AKAP8L: variants seen among roughly 807,000 people sequenced by gnomAD.
The protein encoded by AKAP8L is A-kinase anchoring protein 8 like.
In AKAP8L, 34 loss-of-function variants were observed where a neutral mutation model predicts 77.5. The observed-to-expected ratio is 0.44, with a 90% CI of 0.33 to 0.58. The LOEUF is 0.58. Among genes scored for constraint, AKAP8L ranks in the 20% least tolerant of loss-of-function variants. AKAP8L has a pLI of 0.02. For synonymous variants in AKAP8L, 342 were observed against 340.7 expected, an observed-to-expected ratio of 1.00 and a Z score of -0.04; for missense variants, 806 against 887.6, an observed-to-expected ratio of 0.91 and a Z score of 1.17.
rs1326092513 is a variant in AKAP8L at position 15,401,696 on chromosome 19, C to T, written c.363-93G>A. 26 of 1,018,866 alleles carry T rather than the reference C, an allele frequency of 2.6e-5. No homozygotes were observed. The Admixed American group carries it at 5.9e-4, about 23-fold the overall frequency. The allele number at this position is 1,018,866 out of a possible 1,614,324, so 63.1% of individuals were successfully genotyped here. On this transcript the variant is annotated intron_variant, in intron 4 of 13. Coordinates refer to ENST00000397410, the MANE Select transcript of AKAP8L (RefSeq NM_014371.4). The surrounding 1 kb of genome is among the most constrained non-coding windows in gnomAD (Gnocchi z 6.2). Reference sequence around the variant, plus strand: ...TGCCCTCCCCAATCTCCCAGTCCAGCACCCACCCTGCCCTGGTTGGGAGGC... The same window carrying T: ...TGCCCTCCCCAATCTCCCAGTCCAGTACCCACCCTGCCCTGGTTGGGAGGC...
At chr19:15,389,822 T>C (rs924829796) in intron 12 of AKAP8L, among the ~76,000 whole-genome samples, 2 of 152,036 alleles carry the variant, frequency 1.3e-5, no homozygotes, top group Non-Finnish European at 2.9e-5. Context: ...CACAGAGAGA[T>C]GCACAAAGAC....
At position 15,399,996 on chromosome 19, in the gene AKAP8L, A is replaced by G. The variant is rs1599606420; in HGVS notation, c.1048+299T>C. ...GGAACTGCGCGTTACTGAGGGACCGAGGGCAGGGGGCGTGCCTGGGGTTCC... is the reference window on the plus strand; with the variant it reads ...GGAACTGCGCGTTACTGAGGGACCGGGGGCAGGGGGCGTGCCTGGGGTTCC... On this transcript the variant is annotated intron_variant, in intron 8 of 13. Coordinates refer to ENST00000397410, the MANE Select transcript of AKAP8L (RefSeq NM_014371.4). The surrounding 1 kb of genome is among the most constrained non-coding windows in gnomAD (Gnocchi z 6.1). The G allele has an allele frequency of 7.8e-6, 4 of 512,922 alleles. No homozygotes were observed. The highest frequency in any genetic ancestry group is 6.8e-5 in the East Asian group (2 of 29,322). 31.8% of individuals were successfully genotyped at this position (512,922 alleles called of 1,614,324 possible).
At position 15,398,011 on chromosome 19, in the gene AKAP8L, C is replaced by T. The variant is rs765282172; in HGVS notation, c.1158-156G>A. ...AGGGACAGGCTGGGACCAGTGGGGT[C>T]GGGAGTAGAAAGGGCCAGAAAGTCT... On this transcript the variant is annotated intron_variant, in intron 9 of 13. Coordinates refer to ENST00000397410, the MANE Select transcript of AKAP8L (RefSeq NM_014371.4). This position sits in a 1 kb window ranked among gnomAD's most constrained non-coding sequence, Gnocchi z 9.2. 7.7e-5 allele frequency: 70 copies of T among 914,920 alleles called. No homozygotes were observed. Among genetic ancestry groups the T allele is most frequent in the Non-Finnish European group, 1.0e-4 (63 of 619,616 alleles). 56.7% of individuals were successfully genotyped at this position (914,920 alleles called of 1,614,324 possible).
intron 1 of AKAP8L, among the ~76,000 whole-genome samples, chr19:15,413,834 A>C (rs1968151183): frequency 6.6e-6 from 1 of 152,220 alleles, no homozygotes; most frequent in Non-Finnish European, 1.5e-5. Flanking sequence ...CACAAGATAC[A>C]GTCAGCAAGC....
chr19:15,404,304 A>G (rs1967957431), intron 2 of AKAP8L: 1 of 460,650 alleles, frequency 2.2e-6, no homozygotes, highest in Non-Finnish European at 3.9e-6. Context: ...TGGCTCCTAT[A>G]CTCCTCCCTT....
Position 15,399,765 on chromosome 19 carries a change from G to A in AKAP8L, c.1049-355C>T. The A allele has an allele frequency of 2.8e-6, 1 of 353,696 alleles. No individual in the cohort carries two copies. The highest frequency in any genetic ancestry group is 5.3e-6 in the Non-Finnish European group (1 of 187,776). The allele number at this position is 353,696 out of a possible 1,614,324, so 21.9% of individuals were successfully genotyped here. ...TGGGATGCAGGGAGGCTGCTCACAT[G>A]GCCCTGCCCACCCCCAACCGGGCAC... On this transcript the variant is annotated intron_variant, in intron 8 of 13. Coordinates refer to ENST00000397410, the MANE Select transcript of AKAP8L (RefSeq NM_014371.4). This position sits in a 1 kb window ranked among gnomAD's most constrained non-coding sequence, Gnocchi z 6.1.
chr19:15,418,427 T>TG lies in AKAP8L; in HGVS notation c.13+483dup, dbSNP rs533267645. Among the ~76,000 whole-genome samples, 924 of 149,686 alleles carry TG rather than the reference T, an allele frequency of 6.2e-3. 7 individuals carry two copies. Among genetic ancestry groups the TG allele is most frequent in the African/African-American group, 0.022 (894 of 40,368 alleles). On this transcript the variant is annotated intron_variant, in intron 1 of 13. Transcript: ENST00000397410. Reference sequence around the variant, plus strand: ...TAGGGCCTGGCGCCTTTCCCAGTTCTGAAATAGACAAAAGGGGGTGGTGGG... The same window carrying TG: ...TAGGGCCTGGCGCCTTTCCCAGTTCTGGAAATAGACAAAAGGGGGTGGTGGG...
At chr19:15,393,903 C>CA (rs35729766) in intron 12 of AKAP8L, among the ~76,000 whole-genome samples, 218 of 96,340 alleles carry the variant, frequency 2.3e-3, no homozygotes, top group African/African-American at 6.6e-3. Context: ...ATCTCTGTCT[C>CA]AAAAAAAAAA....
intron 12 of AKAP8L, among the ~76,000 whole-genome samples, chr19:15,381,714 G>C (rs1012738432): frequency 4.6e-5 from 7 of 151,948 alleles, no homozygotes; most frequent in Admixed American, 1.3e-4. Flanking sequence ...ACACAATTAG[G>C]ATACTACTAT....
In AKAP8L at chr19:15,399,908, G is replaced by T; in HGVS notation, c.1048+387C>A. The T allele has an allele frequency of 2.9e-6, 1 of 342,994 alleles. No individual in the cohort carries two copies. Among genetic ancestry groups the T allele is most frequent in the Middle Eastern group, 9.0e-4 (1 of 1,112 alleles). The allele number at this position is 342,994 out of a possible 1,614,324, so 21.2% of individuals were successfully genotyped here. A position where few individuals can be genotyped will look rare whatever the true frequency, so the allele number is the denominator to read the frequency against. ...GGAGAGGTGCTAAGGGAGAGGATAC[G>T]CACACCAGAGCCGTAAAAACTGCAC... On this transcript the variant is annotated intron_variant, in intron 8 of 13. Transcript: ENST00000397410. The surrounding 1 kb of genome is among the most constrained non-coding windows in gnomAD (Gnocchi z 6.1).
intron 1 of AKAP8L, among the ~76,000 whole-genome samples, chr19:15,415,195 A>C (rs1028132581): frequency 1.3e-5 from 2 of 152,274 alleles, no homozygotes; most frequent in African/African-American, 4.8e-5. Flanking sequence ...GTACTTTGGG[A>C]GGCTGAGTTG....
chr19:15,385,046 C>T (rs890802754), intron 12 of AKAP8L, among the ~76,000 whole-genome samples: 2 of 151,432 alleles, frequency 1.3e-5, no homozygotes, highest in Middle Eastern at 3.4e-3. Flanking sequence ...GGCGGGATCT[C>T]GGCTCACTGC....
intron 1 of AKAP8L, among the ~76,000 whole-genome samples, chr19:15,416,373 C>T (rs1248447889): frequency 6.6e-6 from 1 of 152,102 alleles, no homozygotes; most frequent in Admixed American, 6.6e-5. Context: ...GGGATTTTCG[C>T]CTTGCTCTTT....
At chr19:15,393,355 T>C (rs1024766917) in intron 12 of AKAP8L, among the ~76,000 whole-genome samples, 7 of 152,148 alleles carry the variant, frequency 4.6e-5, no homozygotes, top group African/African-American at 1.7e-4. Context: ...ATTAAAACTA[T>C]TGTGCTACAA....
At position 15,401,128 on chromosome 19, in the gene AKAP8L, G is replaced by A. The variant is rs2145132840; in HGVS notation, c.816+22C>T. 3 of 1,605,550 alleles carry A rather than the reference G, an allele frequency of 1.9e-6. No homozygotes were observed. Among genetic ancestry groups the A allele is most frequent in the African/African-American group, 1.3e-5 (1 of 74,994 alleles). ...CCCAGTGGGAACTAAGCTTCCCAGA[G>A]GGGAAGGCTGCCTCCACTCACTCGG... On this transcript the variant is annotated intron_variant, in intron 5 of 13. Transcript: ENST00000397410. The surrounding 1 kb of genome is among the most constrained non-coding windows in gnomAD (Gnocchi z 6.2).
In AKAP8L at chr19:15,380,181, G is replaced by C; in HGVS notation, c.1882C>G (p.Arg628Gly). 3 of 1,505,024 alleles carry C rather than the reference G, an allele frequency of 2.0e-6. No individual in the cohort carries two copies. Among genetic ancestry groups the C allele is most frequent in the Non-Finnish European group, 2.6e-6 (3 of 1,135,494 alleles). 93.2% of individuals were successfully genotyped at this position (1,505,024 alleles called of 1,614,324 possible). The change falls in exon 14 of 14, where the codon CGC becomes GGC. Residue 628 changes from arginine (R) to glycine (G), a missense_variant. By Grantham distance (125) the Arg-to-Gly change is moderately radical. Around this residue, in one of 2 missense-constraint regions of AKAP8L, gnomAD observed 226 missense variants for 193.5 expected, o/e 1.17. Coordinates refer to ENST00000397410, the MANE Select transcript of AKAP8L (RefSeq NM_014371.4). ...LLGGALQRQI[R>G]GIPGLDVEDD... Reference sequence around the variant, plus strand: ...TCCACGTCGAGGCCCGGGATGCCGCGGATCTGGCGTTGCAGCGCCCCTCCC... The same window carrying C: ...TCCACGTCGAGGCCCGGGATGCCGCCGATCTGGCGTTGCAGCGCCCCTCCC...
chr19:15,412,948 T>G (rs1424833430), intron 1 of AKAP8L, among the ~76,000 whole-genome samples: 1 of 152,172 alleles, frequency 6.6e-6, no homozygotes, highest in Non-Finnish European at 1.5e-5. Flanking sequence ...GACCTGAAAA[T>G]TAAAGCCTAT....
At chr19:15,412,648 T>A (rs891438400) in intron 1 of AKAP8L, among the ~76,000 whole-genome samples, 3 of 152,172 alleles carry the variant, frequency 2.0e-5, no homozygotes, top group Non-Finnish European at 4.4e-5. Context: ...TTCAAGCGAT[T>A]CTCCTGCCTC....
intron 12 of AKAP8L, among the ~76,000 whole-genome samples, chr19:15,393,967 C>T (rs1426708062): frequency 1.3e-5 from 2 of 151,292 alleles, no homozygotes; most frequent in African/African-American, 4.9e-5. Context: ...AATCAGGACC[C>T]TTATATGTTG....
Sources: gnomAD v4.1 joint callset for allele counts (sites outside exome capture counted in the v4.1 genomes callset) on GRCh38, gnomAD v4.1.1 for gene constraint, gnomAD v4.1.1 regional missense constraint, Gnocchi (gnomAD v3.1) non-coding constraint, MANE v1.5 for transcripts, NCBI Gene and HGNC (gene_info 2026-07-23, HGNC 2026-07-21) for gene names.